The following FLCN variants were observed in gnomAD, a reference collection of about 807,000 sequenced individuals.
FLCN encodes the protein folliculin, also known as BHD skin lesion fibrofolliculoma protein.
A neutral mutation model predicts 62.5 loss-of-function variants in FLCN; 22 were observed. That is an observed-to-expected ratio of 0.35 (90% CI 0.25 to 0.50). FLCN has a LOEUF of 0.50. FLCN is among the 20% of genes least tolerant of loss of function. The pLI is 0.97. For missense variants in FLCN, 657 were observed against 778.0 expected, an observed-to-expected ratio of 0.84 and a Z score of 1.85; for synonymous variants, 319 against 310.0, an observed-to-expected ratio of 1.03 and a Z score of -0.30.
At position 17,216,363 on chromosome 17, in the gene FLCN, C is replaced by A. The variant is rs2144855357; in HGVS notation, c.1300+17G>T. 6.2e-7 allele frequency: 1 copy of A among 1,612,904 alleles called. No homozygotes were observed. Among genetic ancestry groups the A allele is most frequent in the Non-Finnish European group, 8.5e-7 (1 of 1,179,496 alleles). The stretch of plus-strand genomic sequence containing the variant: ...CTCAGCGCAGGGCATGGCCCCACAG[C>A]CCGCGGGGGCACGCACCTGAGGAGA... On this transcript the variant is annotated intron_variant, in intron 11 of 13. Coordinates refer to ENST00000285071, the MANE Select transcript of FLCN (RefSeq NM_144997.7). This position sits in a 1 kb window ranked among gnomAD's most constrained non-coding sequence, Gnocchi z 4.0.
Position 17,215,070 on chromosome 17 carries a change from T to C in FLCN, c.1453A>G (p.Lys485Glu), listed in dbSNP as rs1448703959. 1.9e-6 allele frequency: 3 copies of C among 1,613,928 alleles called. No homozygotes were observed. Among genetic ancestry groups the C allele is most frequent in the Non-Finnish European group, 2.5e-6 (3 of 1,180,014 alleles). ...TGGTTGGTCAGAGCCGCTTCAATCT[T>C]ATTCAGGATGGTGGGGCCCACTGGG... ...ADRVGPTILN[K>E]IEAALTNQNL... Residue 485 changes from lysine to glutamate, a missense_variant, in exon 13 of 14, where the codon AAG becomes GAG. Lys to Glu is a moderately conservative substitution (Grantham distance 56). Transcript: ENST00000285071.
chr17:17,219,495 A>G (rs1237492168), intron 8 of FLCN: 2 of 404,614 alleles, frequency 4.9e-6, no homozygotes, highest in Non-Finnish European at 9.3e-6. Context: ...AAATGCCAAC[A>G]GCGTGTCTAC....
At chr17:17,225,098 G>A (rs2047210501) in intron 5 of FLCN, 1 of 152,262 alleles carries the variant, frequency 6.6e-6, no homozygotes. Flanking sequence ...ACAAAGACCT[G>A]AGCTCAGAGT....
intron 10 of FLCN, 28 bp downstream of exon 10, chr17:17,217,041 C>T (rs767994778): frequency 2.6e-6 from 4 of 1,528,602 alleles, no homozygotes; most frequent in Admixed American, 1.7e-5. Context: ...TGCCCTGCGC[C>T]GCACACCTAA....
At chr17:17,226,006 A>T (rs1226366762) in intron 5 of FLCN, 170 bp downstream of exon 5, 1 of 913,854 alleles carries the variant, frequency 1.1e-6, no homozygotes, top group South Asian at 1.4e-5. Context: ...CTCCTCCCGC[A>T]ATTCTGGACA....
chr17:17,223,937 C>T lies in FLCN; in HGVS notation c.603G>A (p.Gln201=), dbSNP rs759405317. The T allele has an allele frequency of 1.2e-6, 2 of 1,613,380 alleles. No homozygotes were observed. Among genetic ancestry groups the T allele is most frequent in the Non-Finnish European group, 8.5e-7 (1 of 1,180,042 alleles). ...GKVRGIIDEL[Q]GKALKVFEAE... Reference sequence around the variant, plus strand: ...CTGAATTCACCTTGAGCGCCTTGCCCTGGAGCTCATCGATGATTCCCCGGA... The same window carrying T: ...CTGAATTCACCTTGAGCGCCTTGCCTTGGAGCTCATCGATGATTCCCCGGA... Residue 201 remains glutamine (Q), a synonymous_variant, in exon 6 of 14, where the codon CAG becomes CAA. Coordinates refer to ENST00000285071, the MANE Select transcript of FLCN (RefSeq NM_144997.7).
chr17:17,219,445 A>G, intron 8 of FLCN: 1 of 550,700 alleles, frequency 1.8e-6, no homozygotes, highest in Non-Finnish European at 3.3e-6. Context: ...AAAGACCGTC[A>G]GCTGTTCTCT....
At chr17:17,223,766 C>T (rs2047163445) in intron 6 of FLCN, among the ~76,000 whole-genome samples, 156 bp downstream of exon 6, 1 of 152,256 alleles carries the variant, frequency 6.6e-6, no homozygotes, top group Non-Finnish European at 1.5e-5. Flanking sequence ...TCCTCACGAC[C>T]TCCAGCTCTG....
chr17:17,220,004 T>TCCTC (rs1353763023), intron 8 of FLCN: 1 of 152,016 alleles, frequency 6.6e-6, no homozygotes, highest in Non-Finnish European at 1.5e-5. Context: ...TTCCTCCCCT[T>TCCTC]CCTCCCTCCC....
At chr17:17,235,109 CAAAAAAAAAA>C (rs34695824) in intron 1 of FLCN, among the ~76,000 whole-genome samples, 1 of 70,622 alleles carries the variant, frequency 1.4e-5, no homozygotes, top group South Asian at 5.3e-4. Context: ...GACTCCATTT[CAAAAAAAAAA>C]AAAAAAAAAA....
At chr17:17,227,790 T>G (rs1223785230) in intron 4 of FLCN, 99 bp downstream of exon 4, 1 of 1,542,764 alleles carries the variant, frequency 6.5e-7, no homozygotes, top group Non-Finnish European at 8.9e-7. Flanking sequence ...AGAAGCAGTC[T>G]GTGTCACCCC....
At chr17:17,223,878 G>A (rs780982474) in intron 6 of FLCN, 44 bp downstream of exon 6, 3 of 1,604,234 alleles carry the variant, frequency 1.9e-6, no homozygotes, top group East Asian at 2.2e-5. Flanking sequence ...GGCTCATGCA[G>A]TGCAGGGCCC....
chr17:17,222,862 C>A, intron 6 of FLCN: 1 of 661,818 alleles, frequency 1.5e-6, no homozygotes, highest in Non-Finnish European at 2.7e-6. Context: ...AGGAGCTATC[C>A]GAGAACAGAA....
chr17:17,221,046 G>T, intron 8 of FLCN: 1 of 756,590 alleles, frequency 1.3e-6, no homozygotes, highest in Non-Finnish European at 1.9e-6. Flanking sequence ...GTGCTTCCAG[G>T]CTGGTGCACA....
chr17:17,221,727 G>T, intron 7 of FLCN, 99 bp from the exon 8 acceptor site: 2 of 1,332,034 alleles, frequency 1.5e-6, no homozygotes, highest in Non-Finnish European at 2.1e-6. Flanking sequence ...AGAAAAAATG[G>T]GTATAAAAGA....
chr17:17,219,354 G>C, intron 8 of FLCN, 145 bp from the exon 9 acceptor site: 1 of 522,126 alleles, frequency 1.9e-6, no homozygotes, highest in Non-Finnish European at 3.6e-6. Context: ...GTTGCTCTGG[G>C]AGCCCTGGGG....
chr17:17,223,786 G>A (rs116747558), intron 6 of FLCN, 136 bp downstream of exon 6: 1 of 890,478 alleles, frequency 1.1e-6, no homozygotes, highest in East Asian at 2.6e-5. Flanking sequence ...GAAGCCAAGA[G>A]ACTACAATTC....
At position 17,221,385 on chromosome 17, in the gene FLCN, C is replaced by T. The variant is rs761710724; in HGVS notation, c.871+152G>A. 6 of 1,611,956 alleles carry T rather than the reference C, an allele frequency of 3.7e-6. No homozygotes were observed. The highest frequency in any genetic ancestry group is 1.6e-4 in the Middle Eastern group (1 of 6,082). ...ATCACAACAATCACAACAATCACAC[C>T]GAGATCGGAGGGTGAGCTTCCCGAA... On this transcript the variant is annotated intron_variant, in intron 8 of 13. Coordinates refer to ENST00000285071, the MANE Select transcript of FLCN (RefSeq NM_144997.7).
At chr17:17,223,824 G>A in intron 6 of FLCN, 98 bp downstream of exon 6, 5 of 1,219,200 alleles carry the variant, frequency 4.1e-6, no homozygotes, top group East Asian at 2.4e-5. Flanking sequence ...TAAGCAGAGG[G>A]GAAGACGCCA....
Sources: allele counts gnomAD v4.1 joint callset (sites outside exome capture counted in the v4.1 genomes callset), GRCh38; gene constraint gnomAD v4.1.1; non-coding constraint Gnocchi (gnomAD v3.1); transcripts MANE v1.5; gene names NCBI Gene and HGNC (gene_info 2026-07-23, HGNC 2026-07-21).